The following KAZN variants were observed in gnomAD, a reference collection of about 807,000 sequenced individuals.
The protein encoded by KAZN is kazrin, periplakin interacting protein.
In KAZN, 40 loss-of-function variants were observed where a neutral mutation model predicts 87.4. The observed-to-expected ratio is 0.46, with a 90% CI of 0.36 to 0.60. The LOEUF (loss-of-function observed/expected upper bound fraction) is 0.60. KAZN is among the 20% of genes least tolerant of loss of function. The pLI, the probability that KAZN is intolerant of heterozygous loss-of-function variation, is 0.00. For missense variants in KAZN, 898 were observed against 1,073.9 expected (o/e 0.84, Z 2.29); for synonymous variants, 466 against 458.3 (o/e 1.02, Z -0.22).
Position 14,599,159 on chromosome 1 carries a change from C to T in KAZN, c.162C>T (p.Ala54=). 7.2e-7 allele frequency: 1 copy of T among 1,385,020 alleles called. No individual in the cohort carries two copies. Among genetic ancestry groups the T allele is most frequent in the Non-Finnish European group, 9.3e-7 (1 of 1,073,018 alleles). 85.8% of individuals were successfully genotyped at this position (1,385,020 alleles called of 1,614,324 possible). A position where few individuals can be genotyped will look rare whatever the true frequency, so the allele number is the denominator to read the frequency against. ...CCGGCCCGGGCCCGGGAGCCGCGGC[C>T]AGCGCCTCGGCGGCGGGGGACTCGG... The part of the protein sequence containing the change: ...GGPGPGPGAA[A]SASAAGDSAA... Residue 54 remains alanine, a synonymous_variant, in exon 1 of 15, where the codon GCC becomes GCT. Coordinates refer to ENST00000376030, the MANE Select transcript of KAZN (RefSeq NM_201628.3). This position sits in a 1 kb window ranked among gnomAD's most constrained non-coding sequence, Gnocchi z 4.4.
In KAZN at chr1:14,665,865, C is replaced by T. The variant is rs2273020; in HGVS notation, c.226+66642C>T. On this transcript the variant is annotated intron_variant, in intron 1 of 14. Coordinates refer to ENST00000376030, the MANE Select transcript of KAZN (RefSeq NM_201628.3). ...CCTCCCCACTAAAGGCTGAAGTGCA[C>T]CACCAGTGTCCAAGGGTGTCATTTT... is the stretch of plus-strand genomic sequence containing the variant. Among the ~76,000 whole-genome samples the T allele has an allele frequency of 4.3e-4, 64 of 150,432 alleles. 2 individuals are homozygous for T. The East Asian group carries it at 0.012, about 29-fold the overall frequency.
chr1:14,197,257 TGA>T (rs1646545709), intron 2 of KAZN, among the ~76,000 whole-genome samples: 1 of 151,826 alleles, frequency 6.6e-6, no homozygotes, highest in African/African-American at 2.4e-5. Context: ...TTGTTGAGAA[TGA>T]GAGAAAGATT....
chr1:14,437,356 C>T (rs12729848), intron 2 of KAZN, among the ~76,000 whole-genome samples: 8,320 of 152,266 alleles, frequency 0.055, 321 homozygotes, highest in Middle Eastern at 0.095. Flanking sequence ...ATGAAACGCG[C>T]ATGTTGAAGA....
At chr1:14,334,756 A>G (rs1657106706) in intron 2 of KAZN, among the ~76,000 whole-genome samples, 1 of 152,230 alleles carries the variant, frequency 6.6e-6, no homozygotes. Flanking sequence ...TCCCTGTCAC[A>G]TGGACCCTTT....
intron 2 of KAZN, among the ~76,000 whole-genome samples, chr1:14,344,759 C>T (rs1348349600): frequency 1.3e-5 from 2 of 152,024 alleles, no homozygotes; most frequent in Non-Finnish European, 2.9e-5. Flanking sequence ...CAGGGAAAGA[C>T]AAATTGTCAA....
chr1:15,086,787 T>C (rs1237116353), intron 8 of KAZN, among the ~76,000 whole-genome samples: 2 of 152,258 alleles, frequency 1.3e-5, no homozygotes, highest in Admixed American at 6.5e-5. Context: ...TAGGATGGCA[T>C]TAGGATATTG....
chr1:14,157,130 T>C (rs1645611981), intron 1 of KAZN, among the ~76,000 whole-genome samples: 2 of 152,198 alleles, frequency 1.3e-5, no homozygotes, highest in African/African-American at 4.8e-5. Flanking sequence ...AAGAACTCTA[T>C]GCTTTAACTT....
chr1:14,701,790 C>T (rs1641935493), intron 1 of KAZN, among the ~76,000 whole-genome samples: 1 of 152,170 alleles, frequency 6.6e-6, no homozygotes. Context: ...GAGTGAGACC[C>T]TGTCTCAAAA....
intron 1 of KAZN, among the ~76,000 whole-genome samples, chr1:14,038,783 T>C (rs1214446776): frequency 1.3e-5 from 2 of 152,092 alleles, no homozygotes; most frequent in African/African-American, 2.4e-5. Flanking sequence ...GAGTTGAAAA[T>C]GAGATAAATA....
intron 8 of KAZN, among the ~76,000 whole-genome samples, chr1:15,075,044 A>G (rs1639676880): frequency 6.6e-6 from 1 of 152,170 alleles, no homozygotes; most frequent in Admixed American, 6.5e-5. Context: ...AGGCCCAGGT[A>G]AGTTCAGCAA....
Position 14,949,769 on chromosome 1 carries a change from G to T in KAZN, c.227-10915G>T, listed in dbSNP as rs539543145. On this transcript the variant is annotated intron_variant, in intron 1 of 14. Transcript: ENST00000376030. This position sits in a 1 kb window ranked among gnomAD's most constrained non-coding sequence, Gnocchi z 4.3. ...GTGACTGTCACCCTTCCAGGACAGC[G>T]ACATGGTTGCTGCCCAGCCTGTGTT... Among the ~76,000 whole-genome samples, 1 of 152,114 alleles carries T rather than the reference G, an allele frequency of 6.6e-6. No homozygotes were observed. The highest frequency in any genetic ancestry group is 2.1e-4 in the South Asian group (1 of 4,826).
chr1:14,325,289 G>A (rs1428494584), intron 2 of KAZN, among the ~76,000 whole-genome samples: 1 of 152,174 alleles, frequency 6.6e-6, no homozygotes, highest in Non-Finnish European at 1.5e-5. Context: ...GAGTAGAGTT[G>A]CAGTCATCTA....
chr1:15,092,922 CTT>C (rs35897426), intron 8 of KAZN, among the ~76,000 whole-genome samples: 5 of 144,980 alleles, frequency 3.4e-5, no homozygotes, highest in Non-Finnish European at 6.1e-5. Flanking sequence ...GGTGGATGAA[CTT>C]TTTTTTTTTT....
intron 1 of KAZN, among the ~76,000 whole-genome samples, chr1:14,763,105 C>T (rs200282315): frequency 6.6e-6 from 1 of 152,248 alleles, no homozygotes; most frequent in East Asian, 1.9e-4. Context: ...CTCTGATAGG[C>T]AAAGTGAGAG....
At chr1:14,860,834 T>C (rs932858669) in intron 1 of KAZN, among the ~76,000 whole-genome samples, 2 of 152,216 alleles carry the variant, frequency 1.3e-5, no homozygotes, top group Non-Finnish European at 2.9e-5. Context: ...TCAACAGACC[T>C]AAAATAAATT....
intron 1 of KAZN, among the ~76,000 whole-genome samples, chr1:13,938,562 CA>C (rs1557733473): frequency 6.6e-6 from 1 of 152,144 alleles, no homozygotes; most frequent in East Asian, 1.9e-4. Context: ...GCTTCCAGTT[CA>C]AATCCTTGGT....
chr1:13,956,882 A>G (rs1465402922), intron 1 of KAZN, among the ~76,000 whole-genome samples: 1 of 152,198 alleles, frequency 6.6e-6, no homozygotes, highest in Non-Finnish European at 1.5e-5. Context: ...TTCCAAGGAC[A>G]TGAGAGTTGT....
chr1:15,112,590 G>GTCTTTTTTTTCTTCTCCCAGCGGCAGT, intron 14 of KAZN, 49 bp downstream of exon 14: 1 of 1,264,852 alleles, frequency 7.9e-7, no homozygotes, highest in Non-Finnish European at 1.1e-6. Context: ...CCCGGGAAAG[G>GTCTTTTTTTTCTTCTCCCAGCGGCAGT]TCTTTTTTTC....
chr1:14,515,186 T>C (rs983186005), intron 2 of KAZN, among the ~76,000 whole-genome samples: 1 of 152,178 alleles, frequency 6.6e-6, no homozygotes, highest in African/African-American at 2.4e-5. Flanking sequence ...TTTAATGACC[T>C]TGTGCTATCA....
Sources: allele counts gnomAD v4.1 joint callset (sites outside exome capture counted in the v4.1 genomes callset), GRCh38; gene constraint gnomAD v4.1.1; non-coding constraint Gnocchi (gnomAD v3.1); transcripts MANE v1.5; gene names NCBI Gene and HGNC (gene_info 2026-07-23, HGNC 2026-07-21).